The following GPC6 variants were observed in gnomAD, a reference collection of about 807,000 sequenced individuals.
GPC6 encodes the protein glypican 6, also known as glypican-6.
A neutral mutation model predicts 55.2 loss-of-function variants in GPC6; 14 were observed. The ratio of observed to expected loss-of-function variants is 0.25; its 90% CI spans 0.17 to 0.40. The LOEUF (loss-of-function observed/expected upper bound fraction) is 0.40, where lower values mean the gene tolerates loss of function less well. Among genes scored for constraint, GPC6 ranks in the 10% least tolerant of loss-of-function variants. GPC6 has a pLI of 1.00. For synonymous variants in GPC6, 278 were observed against 259.6 expected (o/e 1.07, Z -0.68); for missense variants, 641 against 708.5 (o/e 0.90, Z 1.08).
At chr13:93,878,995 A>T (rs1874779568) in intron 3 of GPC6, among the ~76,000 whole-genome samples, 1 of 152,140 alleles carries the variant, frequency 6.6e-6, no homozygotes, top group Non-Finnish European at 1.5e-5. Context: ...ACTGCAGAGC[A>T]GACAAGTGAT....
intron 4 of GPC6, among the ~76,000 whole-genome samples, chr13:94,031,766 T>C (rs1883149621): frequency 6.6e-6 from 1 of 152,256 alleles, no homozygotes; most frequent in Non-Finnish European, 1.5e-5. Flanking sequence ...CCTGTGGTTA[T>C]TTTGAGTGTT....
intron 8 of GPC6, among the ~76,000 whole-genome samples, chr13:94,401,763 A>G (rs1256602356): frequency 6.6e-6 from 1 of 152,144 alleles, no homozygotes; most frequent in African/African-American, 2.4e-5. Context: ...GATTTTTTTC[A>G]AACACTTAAA....
intron 1 of GPC6, among the ~76,000 whole-genome samples, chr13:93,290,382 C>G (rs1456774465): frequency 6.6e-6 from 1 of 152,056 alleles, no homozygotes; most frequent in African/African-American, 2.4e-5. Flanking sequence ...ATGCACTATA[C>G]AACTATCCAC....
At chr13:93,302,017 T>C (rs772211962) in intron 1 of GPC6, among the ~76,000 whole-genome samples, 15 of 152,178 alleles carry the variant, frequency 9.9e-5, no homozygotes, top group Non-Finnish European at 1.8e-4. Context: ...AATAATAAAA[T>C]ATAATTTATT....
intron 4 of GPC6, among the ~76,000 whole-genome samples, chr13:94,087,865 A>T (rs61962293): frequency 6.6e-6 from 1 of 152,162 alleles, no homozygotes; most frequent in Non-Finnish European, 1.5e-5. Flanking sequence ...GAGCCTGATA[A>T]GATCTTTTGT....
intron 6 of GPC6, among the ~76,000 whole-genome samples, chr13:94,336,774 A>G (rs1160764945): frequency 6.6e-6 from 1 of 152,186 alleles, no homozygotes; most frequent in Non-Finnish European, 1.5e-5. Context: ...AAATCATTGA[A>G]TTTATGTTTA....
intron 1 of GPC6, chr13:93,395,449 G>A (rs1875810529): frequency 4.2e-6 from 1 of 239,112 alleles, no homozygotes; most frequent in Non-Finnish European, 8.3e-6. Context: ...CACTGTCTTG[G>A]TCAATCATTA....
chr13:93,956,728 A>C (rs1408959819), intron 3 of GPC6, among the ~76,000 whole-genome samples: 1 of 152,234 alleles, frequency 6.6e-6, no homozygotes, highest in Non-Finnish European at 1.5e-5. Context: ...TCTGTGTTCA[A>C]CCGGGCATGT....
intron 2 of GPC6, among the ~76,000 whole-genome samples, chr13:93,716,163 G>C (rs1346762741): frequency 6.6e-6 from 1 of 151,660 alleles, no homozygotes; most frequent in African/African-American, 2.4e-5. Flanking sequence ...ATTATATACA[G>C]TACATACTAC....
intron 1 of GPC6, among the ~76,000 whole-genome samples, chr13:93,352,784 C>A (rs561155554): frequency 1.3e-5 from 2 of 152,008 alleles, no homozygotes; most frequent in Non-Finnish European, 2.9e-5. Context: ...GGTGTCTGAG[C>A]AGGGGAGGGT....
At chr13:93,534,172 A>G (rs1247092413) in intron 1 of GPC6, among the ~76,000 whole-genome samples, 1 of 152,188 alleles carries the variant, frequency 6.6e-6, no homozygotes, top group Non-Finnish European at 1.5e-5. Context: ...TGGAAGGCCC[A>G]TCTCTCTCTT....
rs1379954331 is a variant in GPC6 at position 93,259,136 on chromosome 13, A to G, written c.160+31520A>G. 2.6e-5 allele frequency among the ~76,000 whole-genome samples: 4 copies of G among 152,286 alleles called. No individual in the cohort carries two copies. The East Asian group carries it at 7.7e-4, about 29-fold the overall frequency. On this transcript the variant is annotated intron_variant, in intron 1 of 8. Coordinates refer to ENST00000377047, the MANE Select transcript of GPC6 (RefSeq NM_005708.5). Reference sequence around the variant, plus strand: ...TTAGAAACAAGCTCCACTTCTCTTTACATTTCTTTCCACTGTAATTTCTCA... The same window carrying G: ...TTAGAAACAAGCTCCACTTCTCTTTGCATTTCTTTCCACTGTAATTTCTCA...
At chr13:94,375,306 G>A (rs972608463) in intron 6 of GPC6, among the ~76,000 whole-genome samples, 1 of 151,846 alleles carries the variant, frequency 6.6e-6, no homozygotes, top group African/African-American at 2.4e-5. Flanking sequence ...CTTCTAGCAA[G>A]ACTAATAAAG....
rs138705042 is a variant in GPC6, at chr13:94,016,129, C to T, written c.712-11600C>T. 3.9e-3 allele frequency among the ~76,000 whole-genome samples: 598 copies of T among 152,284 alleles called. 4 individuals carry two copies. The highest frequency in any genetic ancestry group is 0.014 in the African/African-American group (565 of 41,558). On this transcript the variant is annotated intron_variant, in intron 3 of 8. Coordinates refer to ENST00000377047, the MANE Select transcript of GPC6 (RefSeq NM_005708.5). Reference sequence around the variant, plus strand: ...TCTAGATACTTCATATAAGTAGAATCATGCGGTATCTGTCCTTTTGTGACT... The same window carrying T: ...TCTAGATACTTCATATAAGTAGAATTATGCGGTATCTGTCCTTTTGTGACT...
intron 2 of GPC6, among the ~76,000 whole-genome samples, chr13:93,547,485 C>T (rs12876135): frequency 0.38 from 57,717 of 152,022 alleles, 13,082 homozygotes; most frequent in Middle Eastern, 0.58. Flanking sequence ...TTAAAGAAAC[C>T]TCTCTCCACT....
At chr13:93,858,499 T>C (rs1315704260) in intron 3 of GPC6, among the ~76,000 whole-genome samples, 1 of 151,498 alleles carries the variant, frequency 6.6e-6, no homozygotes, top group Admixed American at 6.6e-5. Flanking sequence ...TGAGTGCATG[T>C]AGGGAAGAGT....
intron 2 of GPC6, among the ~76,000 whole-genome samples, chr13:93,799,115 A>T (rs9556328): frequency 0.33 from 50,064 of 151,806 alleles, 8,665 homozygotes; most frequent in African/African-American, 0.43. Context: ...GTTCACATTC[A>T]CCGTGTAATC....
intron 3 of GPC6, among the ~76,000 whole-genome samples, chr13:93,960,173 G>A (rs898345417): frequency 6.6e-6 from 1 of 152,148 alleles, no homozygotes; most frequent in African/African-American, 2.4e-5. Context: ...TCCTCTTGCG[G>A]GCTCCTGTGG....
At chr13:93,338,699 C>T (rs1324150505) in intron 1 of GPC6, among the ~76,000 whole-genome samples, 1 of 152,212 alleles carries the variant, frequency 6.6e-6, no homozygotes, top group African/African-American at 2.4e-5. Context: ...TAATCACCAT[C>T]ATTAGTGGCT....
Sources: gnomAD v4.1 joint callset for allele counts (sites outside exome capture counted in the v4.1 genomes callset) on GRCh38, gnomAD v4.1.1 for gene constraint, MANE v1.5 for transcripts, NCBI Gene and HGNC (gene_info 2026-07-23, HGNC 2026-07-21) for gene names.